The following ADCY9 variants were observed in gnomAD, a reference collection of about 807,000 sequenced individuals.
ADCY9 encodes adenylate cyclase type 9.
Under a neutral mutation model 101.5 loss-of-function variants are expected in ADCY9, and 50 were observed. The ratio of observed to expected loss-of-function variants is 0.49; its 90% CI spans 0.39 to 0.62. The LOEUF is 0.62. Among genes scored for constraint, ADCY9 ranks in the 20% least tolerant of loss-of-function variants. The pLI, the probability that ADCY9 is intolerant of heterozygous loss-of-function variation, is 0.00. For synonymous variants in ADCY9, 905 were observed against 769.3 expected (o/e 1.18, Z -2.92); for missense variants, 1,662 against 1,800.4 (o/e 0.92, Z 1.39).
Position 3,992,071 on chromosome 16 carries a change from A to C in ADCY9, c.2207+75T>G, listed in dbSNP as rs2056248923. 2 of 1,444,640 alleles carry C rather than the reference A, an allele frequency of 1.4e-6. No homozygotes were observed. The highest frequency in any genetic ancestry group is 3.7e-5 in the Admixed American group (2 of 54,456). 89.5% of individuals were successfully genotyped at this position (1,444,640 alleles called of 1,614,324 possible). A position where few individuals can be genotyped will look rare whatever the true frequency, so the allele number is the denominator to read the frequency against. ...GGATGACAGAGCGAGACTCAGTCTT[A>C]AAGAAAAGAAAAGAAAAAGGCAGAG... On this transcript the variant is annotated intron_variant, in intron 5 of 10. Coordinates refer to ENST00000294016, the MANE Select transcript of ADCY9 (RefSeq NM_001116.4). This position sits in a 1 kb window ranked among gnomAD's most constrained non-coding sequence, Gnocchi z 4.2.
intron 3 of ADCY9, among the ~76,000 whole-genome samples, chr16:3,998,975 G>A (rs528124466): frequency 2.0e-5 from 3 of 151,644 alleles, no homozygotes; most frequent in East Asian, 1.9e-4. Flanking sequence ...TTCCTTGAGC[G>A]ATTCATTAGC....
At chr16:4,004,629 T>C (rs181292416) in intron 3 of ADCY9, among the ~76,000 whole-genome samples, 1 of 152,340 alleles carries the variant, frequency 6.6e-6, no homozygotes, top group East Asian at 1.9e-4. Flanking sequence ...CCAGGCACCA[T>C]GCTCGACACT....
intron 2 of ADCY9, among the ~76,000 whole-genome samples, chr16:4,101,370 C>T (rs1034233121): frequency 5.9e-5 from 9 of 151,654 alleles, no homozygotes; most frequent in Admixed American, 3.3e-4. Flanking sequence ...GCCTCGACCA[C>T]CTGGGCTCAA....
intron 2 of ADCY9, among the ~76,000 whole-genome samples, chr16:4,092,044 A>G (rs1007890701): frequency 6.6e-6 from 1 of 152,240 alleles, no homozygotes; most frequent in African/African-American, 2.4e-5. Context: ...CGAGGCGGGC[A>G]GATCATCTGA....
Position 3,996,634 on chromosome 16 carries a change from G to A in ADCY9, c.1885-3124C>T, listed in dbSNP as rs114069410. On this transcript the variant is annotated intron_variant, in intron 3 of 10. Coordinates refer to ENST00000294016, the MANE Select transcript of ADCY9 (RefSeq NM_001116.4). ...GCTGCACTTGGCTCAGCCAAAGCCC[G>A]AAGTGCAAGTGCGTGCTCAGTAAAT... Among the ~76,000 whole-genome samples the A allele has an allele frequency of 4.5e-3, 692 of 152,286 alleles. 7 individuals carry two copies. The highest frequency in any genetic ancestry group is 0.015 in the African/African-American group (640 of 41,564).
At chr16:4,090,374 T>C (rs1366263409) in intron 2 of ADCY9, among the ~76,000 whole-genome samples, 1 of 152,174 alleles carries the variant, frequency 6.6e-6, no homozygotes, top group East Asian at 1.9e-4. Flanking sequence ...AATGCAGACA[T>C]GTTTACATGC....
chr16:4,058,714 C>T (rs979434089), intron 2 of ADCY9, among the ~76,000 whole-genome samples: 4 of 152,124 alleles, frequency 2.6e-5, no homozygotes, highest in African/African-American at 9.7e-5. Context: ...GGAGACCCAG[C>T]AGGCAAGATG....
At chr16:3,958,280 G>A (rs112377149), downstream of ADCY9, among the ~76,000 whole-genome samples, 3 of 152,096 alleles carry the variant, frequency 2.0e-5, no homozygotes, top group Admixed American at 2.0e-4. Context: ...GGTAGCTCAC[G>A]CCTGTAACCC....
At chr16:4,104,169 T>G (rs887108405) in intron 2 of ADCY9, among the ~76,000 whole-genome samples, 5 of 152,190 alleles carry the variant, frequency 3.3e-5, no homozygotes, top group Non-Finnish European at 7.3e-5. Context: ...TGACAGTATT[T>G]GCCGCCAATG....
chr16:3,983,127 G>T (rs1313480537), intron 7 of ADCY9, 105 bp downstream of exon 7: 7 of 1,096,934 alleles, frequency 6.4e-6, no homozygotes, highest in Admixed American at 2.7e-5. Context: ...TCAGCCAGCA[G>T]GGACAGCTGG....
At chr16:4,101,594 T>C (rs1228096670) in intron 2 of ADCY9, among the ~76,000 whole-genome samples, 1 of 152,164 alleles carries the variant, frequency 6.6e-6, no homozygotes, top group Non-Finnish European at 1.5e-5. Context: ...GATTATTTGA[T>C]CACTGTCTAC....
At chr16:4,105,869 C>T (rs1185791952) in intron 2 of ADCY9, among the ~76,000 whole-genome samples, 2 of 152,006 alleles carry the variant, frequency 1.3e-5, no homozygotes, top group Non-Finnish European at 2.9e-5. Flanking sequence ...AAAAAACCTA[C>T]AGAAACAACA....
chr16:4,023,270 G>T (rs965538581), intron 2 of ADCY9, among the ~76,000 whole-genome samples: 1 of 152,224 alleles, frequency 6.6e-6, no homozygotes, highest in South Asian at 2.1e-4. Flanking sequence ...GGAACCAGTG[G>T]CAGGGAGAAT....
intron 10 of ADCY9, among the ~76,000 whole-genome samples, chr16:3,969,052 G>A (rs1000853780): frequency 2.0e-5 from 3 of 151,850 alleles, no homozygotes; most frequent in African/African-American, 4.8e-5. Context: ...TCTCAAACTC[G>A]TGACCTCGTG....
chr16:4,081,330 T>C (rs2056900453), intron 2 of ADCY9, among the ~76,000 whole-genome samples: 1 of 152,148 alleles, frequency 6.6e-6, no homozygotes, highest in Non-Finnish European at 1.5e-5. Context: ...GCTGTCACCA[T>C]CCTCAGAACC....
At chr16:4,103,325 T>C (rs942978027) in intron 2 of ADCY9, among the ~76,000 whole-genome samples, 3 of 152,248 alleles carry the variant, frequency 2.0e-5, no homozygotes, top group African/African-American at 7.2e-5. Context: ...GCAAGGCATC[T>C]GTGGAGTCTA....
intron 2 of ADCY9, among the ~76,000 whole-genome samples, chr16:4,055,649 C>T (rs1363451257): frequency 7.2e-5 from 11 of 151,792 alleles, no homozygotes; most frequent in African/African-American, 1.9e-4. Flanking sequence ...CCGGCTAACA[C>T]GGTGAAACCC....
At chr16:4,096,157 A>C (rs2057002735) in intron 2 of ADCY9, among the ~76,000 whole-genome samples, 1 of 152,150 alleles carries the variant, frequency 6.6e-6, no homozygotes, top group African/African-American at 2.4e-5. Context: ...CACGCCCTGC[A>C]ATTTAGTGGC....
chr16:3,966,368 G>T lies in ADCY9; in HGVS notation c.3469C>A (p.Leu1157Met). 1 of 1,614,122 alleles carries T rather than the reference G, an allele frequency of 6.2e-7. No individual in the cohort carries two copies. Among genetic ancestry groups the T allele is most frequent in the Non-Finnish European group, 8.5e-7 (1 of 1,180,050 alleles). Residue 1157 changes from leucine (L) to methionine (M), a missense_variant, in exon 11 of 11, where the codon CTG (leucine) becomes ATG (methionine). Physicochemically the swap from Leu to Met is conservative, Grantham distance 15 (BLOSUM62 2). Around this residue, in one of 5 missense-constraint regions of ADCY9, gnomAD observed 220 missense variants for 312.9 expected, o/e 0.70. Coordinates refer to ENST00000294016, the MANE Select transcript of ADCY9 (RefSeq NM_001116.4). ...RVVDDFNNNM[L>M]WFNFKLRVGF... Reference sequence around the variant, plus strand: ...ACGCGGAGCTTGAAGTTGAACCACAGCATGTTGTTGTTGAAGTCGTCCACC... The same window carrying T: ...ACGCGGAGCTTGAAGTTGAACCACATCATGTTGTTGTTGAAGTCGTCCACC...
Sources: allele counts gnomAD v4.1 joint callset (sites outside exome capture counted in the v4.1 genomes callset), GRCh38; gene constraint gnomAD v4.1.1; regional missense constraint gnomAD v4.1.1; non-coding constraint Gnocchi (gnomAD v3.1); transcripts MANE v1.5; gene names NCBI Gene and HGNC (gene_info 2026-07-23, HGNC 2026-07-21).